MED26: variants seen among roughly 807,000 people sequenced by gnomAD.
The protein encoded by MED26 is mediator complex subunit 26.
Under a neutral mutation model 43.7 loss-of-function variants are expected in MED26, and 7 were observed. The observed-to-expected ratio is 0.16, with a 90% CI of 0.09 to 0.30. MED26 has a LOEUF of 0.30. Ranked by LOEUF, MED26 falls within the 10% of genes least tolerant of loss-of-function variation. MED26 has a pLI of 1.00. For synonymous variants in MED26, 375 were observed against 371.1 expected (o/e 1.01, Z -0.12); for missense variants, 784 against 840.6 (o/e 0.93, Z 0.83).
intron 1 of MED26, among the ~76,000 whole-genome samples, chr19:16,621,491 TG>T (rs2086251420): frequency 6.6e-6 from 1 of 152,272 alleles, no homozygotes; most frequent in African/African-American, 2.4e-5. Context: ...TTTCCTGCAG[TG>T]GATGAACCCA....
At chr19:16,585,761 C>G (rs933518637) in intron 1 of MED26, among the ~76,000 whole-genome samples, 1 of 152,232 alleles carries the variant, frequency 6.6e-6, no homozygotes, top group Admixed American at 6.5e-5. Context: ...CGTGGAATCA[C>G]CTTTCAAACC....
At chr19:16,602,829 G>A (rs1479870892) in intron 1 of MED26, among the ~76,000 whole-genome samples, 1 of 152,140 alleles carries the variant, frequency 6.6e-6, no homozygotes, top group Non-Finnish European at 1.5e-5. Context: ...CCCAGGGCTC[G>A]GGAAGGGGAG....
intron 1 of MED26, chr19:16,597,525 G>A: frequency 2.5e-6 from 1 of 398,464 alleles, no homozygotes; most frequent in Non-Finnish European, 4.4e-6. Flanking sequence ...GTGAGCATCA[G>A]GTTAAGTTTG....
At chr19:16,616,523 TGCAGGAAGAAGGACTCCAG>T (rs2086226925) in intron 1 of MED26, among the ~76,000 whole-genome samples, 1 of 152,168 alleles carries the variant, frequency 6.6e-6, no homozygotes, top group Admixed American at 6.5e-5. Flanking sequence ...AGGTCCAGCT[TGCAGGAAGAAGGACTCCAG>T]GATGGCCCTA....
intron 1 of MED26, among the ~76,000 whole-genome samples, chr19:16,616,086 A>C (rs919942126): frequency 5.3e-5 from 8 of 152,178 alleles, no homozygotes; most frequent in African/African-American, 1.9e-4. Context: ...GGCAGCTCTC[A>C]GGAAAACGAG....
At chr19:16,617,181 A>G (rs1377921904) in intron 1 of MED26, among the ~76,000 whole-genome samples, 1 of 152,138 alleles carries the variant, frequency 6.6e-6, no homozygotes, top group African/African-American at 2.4e-5. Context: ...GGCAATGCAC[A>G]AGTCTTCCAC....
chr19:16,601,688 C>T (rs180905249), intron 1 of MED26, among the ~76,000 whole-genome samples: 4 of 152,290 alleles, frequency 2.6e-5, no homozygotes, highest in Non-Finnish European at 5.9e-5. Flanking sequence ...GTCCTCTGGA[C>T]AAGCTGGGGA....
intron 1 of MED26, among the ~76,000 whole-genome samples, chr19:16,594,372 G>T (rs1408234118): frequency 6.6e-6 from 1 of 152,258 alleles, no homozygotes; most frequent in Admixed American, 6.5e-5. Context: ...CCCAAGTGGG[G>T]TGGAGCGGAT....
Position 16,577,937 on chromosome 19 carries a change from A to AG in MED26, c.148-256dup, listed in dbSNP as rs545169025. 3.8e-5 allele frequency: 18 copies of AG among 469,834 alleles called. No individual in the cohort carries two copies. The Admixed American group carries it at 4.3e-4, about 11-fold the overall frequency. The allele number at this position is 469,834 out of a possible 1,614,324, so 29.1% of individuals were successfully genotyped here. ...TGCTGTCACCCAGGCTCCTGGTGTC[A>AG]GGGGGCTGTGGACCATCAAGGCCAC... On this transcript the variant is annotated intron_variant, in intron 2 of 2. Coordinates refer to ENST00000263390, the MANE Select transcript of MED26 (RefSeq NM_004831.5). This position sits in a 1 kb window ranked among gnomAD's most constrained non-coding sequence, Gnocchi z 8.1.
At chr19:16,625,445 T>C (rs1030920313) in intron 1 of MED26, among the ~76,000 whole-genome samples, 4 of 152,224 alleles carry the variant, frequency 2.6e-5, no homozygotes, top group Non-Finnish European at 5.9e-5. Context: ...TTAACCATAA[T>C]TGCATGCCCA....
chr19:16,610,930 AG>A (rs2086196640), intron 1 of MED26: 1 of 152,368 alleles, frequency 6.6e-6, no homozygotes, highest in African/African-American at 2.4e-5. Context: ...AATGAGGGCA[AG>A]GGTTCAAGTT....
chr19:16,598,336 C>CA (rs35572400), intron 1 of MED26, among the ~76,000 whole-genome samples: 40,365 of 63,374 alleles, frequency 0.64, 14,242 homozygotes, highest in South Asian at 0.8. Context: ...GATTCCATCT[C>CA]AAAAAAAAAA....
intron 2 of MED26, 78 bp downstream of exon 2, chr19:16,578,257 A>G: frequency 7.7e-7 from 1 of 1,303,604 alleles, no homozygotes; most frequent in Non-Finnish European, 1.1e-6. Flanking sequence ...TGCTCCCAGA[A>G]GCTGCGGAAG....
At chr19:16,602,291 C>T (rs2086153614) in intron 1 of MED26, among the ~76,000 whole-genome samples, 1 of 152,196 alleles carries the variant, frequency 6.6e-6, no homozygotes, top group Admixed American at 6.5e-5. Context: ...GCATTTCATT[C>T]CTTCTCACAG....
chr19:16,598,324 A>G (rs1391555832), intron 1 of MED26, among the ~76,000 whole-genome samples: 1 of 136,242 alleles, frequency 7.3e-6, no homozygotes, highest in African/African-American at 2.8e-5. Flanking sequence ...GCGACAGAGT[A>G]AGATTCCATC....
At chr19:16,589,081 G>A (rs550883183) in intron 1 of MED26, 33 of 152,722 alleles carry the variant, frequency 2.2e-4, no homozygotes, top group African/African-American at 7.2e-4. Context: ...AACCCCAGGG[G>A]AGGACTACAC....
Position 16,576,322 on chromosome 19 carries a change from T to C in MED26, c.1508A>G (p.Gln503Arg), listed in dbSNP as rs1416988245. The change falls in exon 3 of 3, where the codon CAG becomes CGG. Residue 503 changes from glutamine to arginine, a missense_variant. This residue lies in a region of MED26 where 719 missense variants were observed against 730.9 expected (regional missense o/e 0.98). Coordinates refer to ENST00000263390, the MANE Select transcript of MED26 (RefSeq NM_004831.5). This position sits in a 1 kb window ranked among gnomAD's most constrained non-coding sequence, Gnocchi z 6.8. The stretch of plus-strand genomic sequence containing the variant: ...CATGAAGTGGTGAGCCCCTGGGGTC[T>C]GCGCGCCCGATGATGAGAGCAGGCT... ...QSSLLSSSGA[Q>R]TPGAHHFMSE... The C allele has an allele frequency of 6.2e-7, 1 of 1,613,662 alleles. No homozygotes were observed. Among genetic ancestry groups the C allele is most frequent in the Non-Finnish European group, 8.5e-7 (1 of 1,180,022 alleles).
intron 1 of MED26, among the ~76,000 whole-genome samples, chr19:16,596,537 C>T (rs1168986311): frequency 6.6e-6 from 1 of 152,202 alleles, no homozygotes; most frequent in Non-Finnish European, 1.5e-5. Flanking sequence ...CTCGGCTGCA[C>T]GCTGCCACAC....
At chr19:16,579,305 C>T (rs896732585) in intron 1 of MED26, among the ~76,000 whole-genome samples, 2 of 152,146 alleles carry the variant, frequency 1.3e-5, no homozygotes, top group Non-Finnish European at 2.9e-5. Flanking sequence ...AGGCACACGG[C>T]AATGAAATGT....
Sources: gnomAD v4.1 joint callset for allele counts (sites outside exome capture counted in the v4.1 genomes callset) on GRCh38, gnomAD v4.1.1 for gene constraint, gnomAD v4.1.1 regional missense constraint, Gnocchi (gnomAD v3.1) non-coding constraint, MANE v1.5 for transcripts, NCBI Gene and HGNC (gene_info 2026-07-23, HGNC 2026-07-21) for gene names.